ELAVL3: variants seen among roughly 807,000 people sequenced by gnomAD.
ELAVL3 encodes the protein ELAV-like protein 3.
A neutral mutation model predicts 34.2 loss-of-function variants in ELAVL3; 8 were observed. That is an observed-to-expected ratio of 0.23 (90% CI 0.14 to 0.42). The LOEUF is 0.42. Ranked by LOEUF, ELAVL3 falls within the 10% of genes least tolerant of loss-of-function variation. ELAVL3 has a pLI of 1.00. For synonymous variants in ELAVL3, 209 were observed against 222.1 expected, an observed-to-expected ratio of 0.94 and a Z score of 0.53; for missense variants, 273 against 518.8, an observed-to-expected ratio of 0.53 and a Z score of 4.60.
chr19:11,465,126 C>A (rs1971012764), intron 3 of ELAVL3, among the ~76,000 whole-genome samples: 1 of 139,566 alleles, frequency 7.2e-6, no homozygotes, highest in African/African-American at 2.7e-5. Context: ...CACACACATA[C>A]ACACCACACA....
At chr19:11,475,873 C>T (rs1971253681) in intron 1 of ELAVL3, among the ~76,000 whole-genome samples, 1 of 152,068 alleles carries the variant, frequency 6.6e-6, no homozygotes. Flanking sequence ...CCTTGGCCTC[C>T]CAAAGTGCTG....
chr19:11,477,486 G>A (rs1971283583), intron 1 of ELAVL3, among the ~76,000 whole-genome samples: 1 of 152,012 alleles, frequency 6.6e-6, no homozygotes, highest in South Asian at 2.1e-4. Flanking sequence ...ATGTTGCCCA[G>A]GCTGCGATCC....
intron 1 of ELAVL3, among the ~76,000 whole-genome samples, chr19:11,475,419 C>T (rs1240022787): frequency 6.6e-6 from 1 of 152,150 alleles, no homozygotes; most frequent in African/African-American, 2.4e-5. Context: ...ATTCTCTCAC[C>T]TCAGCCTCCC....
intron 1 of ELAVL3, among the ~76,000 whole-genome samples, chr19:11,477,085 T>C (rs1393350613): frequency 1.3e-5 from 2 of 151,974 alleles, no homozygotes; most frequent in Admixed American, 6.6e-5. Flanking sequence ...ACTCCATCGG[T>C]TGAGTCTATT....
intron 3 of ELAVL3, among the ~76,000 whole-genome samples, chr19:11,464,167 A>ATATATATATT (rs1319720810): frequency 7.7e-5 from 8 of 103,848 alleles, no homozygotes; most frequent in African/African-American, 2.2e-4. Context: ...ATATATATAT[A>ATATATATATT]TTTTTTTTTT....
At chr19:11,464,155 A>C (rs1256211059) in intron 3 of ELAVL3, among the ~76,000 whole-genome samples, 1,393 of 97,170 alleles carry the variant, frequency 0.014, 17 homozygotes, top group African/African-American at 0.063. Context: ...CTCTCTCTAT[A>C]TATATATATA....
At chr19:11,463,923 C>G (rs1033613704) in intron 3 of ELAVL3, among the ~76,000 whole-genome samples, 2 of 151,346 alleles carry the variant, frequency 1.3e-5, no homozygotes, top group African/African-American at 4.8e-5. Context: ...GGGCCGAGAT[C>G]GCGCCATTGC....
At chr19:11,465,082 GACAC>G (rs1291052303) in intron 3 of ELAVL3, among the ~76,000 whole-genome samples, 16 of 26,504 alleles carry the variant, frequency 6.0e-4, no homozygotes, top group Non-Finnish European at 5.8e-4. Flanking sequence ...ACCCCACACA[GACAC>G]ACACACACCA....
Position 11,455,023 on chromosome 19 carries a change from C to T in ELAVL3, c.753-146G>A, listed in dbSNP as rs1022033469. ...AATGCAATTTTTTTTTTTAGAGACA[C>T]GGTCTCGCTCTGTCACCCAGGCTGG... is the stretch of plus-strand genomic sequence containing the variant. On this transcript the variant is annotated intron_variant, in intron 6 of 6. Coordinates refer to ENST00000359227, the MANE Select transcript of ELAVL3 (RefSeq NM_001420.4). 40 of 893,784 alleles carry T rather than the reference C, an allele frequency of 4.5e-5. 1 individual carries two copies. Among genetic ancestry groups the T allele is most frequent in the Admixed American group, 4.2e-4 (18 of 43,190 alleles). 55.4% of individuals were successfully genotyped at this position (893,784 alleles called of 1,614,324 possible).
chr19:11,462,591 G>A lies in ELAVL3; in HGVS notation c.333+3581C>T, dbSNP rs189383054. ...GGCGGAATTGCAGTGAGCCGAGAGC[G>A]CACCACTGTAATCCGGCCTGGGTAA... On this transcript the variant is annotated intron_variant, in intron 3 of 6. Transcript: ENST00000359227. Among the ~76,000 whole-genome samples, 24 of 151,590 alleles carry A rather than the reference G, an allele frequency of 1.6e-4. No individual in the cohort carries two copies. In the East Asian group the frequency reaches 2.7e-3, roughly 17 times the overall value.
At chr19:11,468,607 C>T (rs1027211277) in intron 1 of ELAVL3, among the ~76,000 whole-genome samples, 1 of 151,468 alleles carries the variant, frequency 6.6e-6, no homozygotes, top group Non-Finnish European at 1.5e-5. Flanking sequence ...TTAGTAGAGA[C>T]GGGGTTTCAC....
chr19:11,458,421 G>C lies in ELAVL3; in HGVS notation c.487+37C>G. The C allele has an allele frequency of 1.9e-6, 3 of 1,612,934 alleles. No homozygotes were observed. Among genetic ancestry groups the C allele is most frequent in the Non-Finnish European group, 2.5e-6 (3 of 1,179,522 alleles). On this transcript the variant is annotated intron_variant, in intron 4 of 6. Coordinates refer to ENST00000359227, the MANE Select transcript of ELAVL3 (RefSeq NM_001420.4). The surrounding 1 kb of genome is among the most constrained non-coding windows in gnomAD (Gnocchi z 7.3). ...GGTCCCACCTGACTGCCTTTGCCCA[G>C]CGCCCCCGCCAGGTGCACCCTCCCT...
rs192842544 is a variant in ELAVL3 at position 11,461,071 on chromosome 19, C to T, written c.334-2460G>A. Among the ~76,000 whole-genome samples, 349 of 150,990 alleles carry T rather than the reference C, an allele frequency of 2.3e-3. 1 individual carries two copies. Among genetic ancestry groups the T allele is most frequent in the African/African-American group, 7.8e-3 (323 of 41,158 alleles). On this transcript the variant is annotated intron_variant, in intron 3 of 6. Transcript: ENST00000359227. Reference sequence around the variant, plus strand: ...GTGCACACCTGTGGTCCCAGCTACTCGGGAGACTGAGGCTGGAGGATCACT... The same window carrying T: ...GTGCACACCTGTGGTCCCAGCTACTTGGGAGACTGAGGCTGGAGGATCACT...
chr19:11,455,426 G>A lies in ELAVL3; in HGVS notation c.753-549C>T, dbSNP rs145396681. Among the ~76,000 whole-genome samples, 396 of 151,468 alleles carry A rather than the reference G, an allele frequency of 2.6e-3. 1 individual carries two copies. Among genetic ancestry groups the A allele is most frequent in the African/African-American group, 8.1e-3 (333 of 41,220 alleles). ...AGCGATTGTCCTGCCTCAGCCTCCC[G>A]AGTAGCACCTGCCACCACGCCCAGC... On this transcript the variant is annotated intron_variant, in intron 6 of 6. Transcript: ENST00000359227.
rs1971343667 is a variant in ELAVL3 at position 11,480,027 on chromosome 19, C to A, written c.9+573G>T. Among the ~76,000 whole-genome samples, 1 of 151,420 alleles carries A rather than the reference C, an allele frequency of 6.6e-6. No homozygotes were observed. The highest frequency in any genetic ancestry group is 2.4e-5 in the African/African-American group (1 of 41,266). ...AGAAGCGCCGAGAAACAAAGGGACGCGGCAGCAGCGGCGGCGGGCCCGCGG... is the reference window on the plus strand; with the variant it reads ...AGAAGCGCCGAGAAACAAAGGGACGAGGCAGCAGCGGCGGCGGGCCCGCGG... On this transcript the variant is annotated intron_variant, in intron 1 of 6. Transcript: ENST00000359227. The surrounding 1 kb of genome is among the most constrained non-coding windows in gnomAD (Gnocchi z 6.8).
chr19:11,457,897 T>C (rs1354120830), intron 5 of ELAVL3, among the ~76,000 whole-genome samples, 164 bp downstream of exon 5: 1 of 152,206 alleles, frequency 6.6e-6, no homozygotes, highest in Non-Finnish European at 1.5e-5. Context: ...ATTGAGGGCC[T>C]GCTGTATATG....
At chr19:11,477,691 A>AT (rs963586249) in intron 1 of ELAVL3, among the ~76,000 whole-genome samples, 7,072 of 120,144 alleles carry the variant, frequency 0.059, 252 homozygotes, top group Non-Finnish European at 0.072. Flanking sequence ...CTAGATCCCT[A>AT]TTTTTTTTTT....
Position 11,466,294 on chromosome 19 carries a change from T to G in ELAVL3, c.230-19A>C. 6.2e-7 allele frequency: 1 copy of G among 1,610,156 alleles called. No individual in the cohort carries two copies. The highest frequency in any genetic ancestry group is 8.5e-7 in the Non-Finnish European group (1 of 1,176,758). On this transcript the variant is annotated intron_variant, in intron 2 of 6. Coordinates refer to ENST00000359227, the MANE Select transcript of ELAVL3 (RefSeq NM_001420.4). The surrounding 1 kb of genome is among the most constrained non-coding windows in gnomAD (Gnocchi z 5.0). Reference sequence around the variant, plus strand: ...CTCTGCCCTGTGGGCAGAACCAGAATGATGACCTTCCCACCCAGCCTTGAC... The same window carrying G: ...CTCTGCCCTGTGGGCAGAACCAGAAGGATGACCTTCCCACCCAGCCTTGAC...
chr19:11,464,357 T>C (rs1382798388), intron 3 of ELAVL3, among the ~76,000 whole-genome samples: 1 of 151,430 alleles, frequency 6.6e-6, no homozygotes, highest in Non-Finnish European at 1.5e-5. Flanking sequence ...GGAACAGGGT[T>C]TTGTCACGTT....
Sources: allele counts gnomAD v4.1 joint callset (sites outside exome capture counted in the v4.1 genomes callset), GRCh38; gene constraint gnomAD v4.1.1; non-coding constraint Gnocchi (gnomAD v3.1); transcripts MANE v1.5; gene names NCBI Gene and HGNC (gene_info 2026-07-23, HGNC 2026-07-21).